The following PPP3R1 variants were observed in gnomAD, a reference collection of about 807,000 sequenced individuals.
PPP3R1 encodes the protein calcineurin subunit B type 1.
PPP3R1 carries 5 observed loss-of-function variants against 22.6 expected under a neutral mutation model. The ratio of observed to expected loss-of-function variants is 0.22; its 90% CI spans 0.12 to 0.46. The LOEUF (loss-of-function observed/expected upper bound fraction) is 0.46, where lower values mean the gene tolerates loss of function less well. Among genes scored for constraint, PPP3R1 ranks in the 20% least tolerant of loss-of-function variants. The pLI, the probability that PPP3R1 is intolerant of heterozygous loss-of-function variation, is 0.99. For synonymous variants in PPP3R1, 56 were observed against 65.2 expected (o/e 0.86, Z 0.68); for missense variants, 61 against 203.2 (o/e 0.30, Z 4.25).
Position 68,211,265 on chromosome 2 carries a change from G to A in PPP3R1, c.43+5827C>T, listed in dbSNP as rs187575040. 4.4e-4 allele frequency among the ~76,000 whole-genome samples: 65 copies of A among 149,302 alleles called. 1 individual carries two copies. In the East Asian group the frequency reaches 7.5e-3, roughly 17 times the overall value. ...ACTAAAAATACAAAAAAATTAGCCC[G>A]GCGTGGTGGCGGGCGCCTGTAGTCC... On this transcript the variant is annotated intron_variant, in intron 2 of 5. Coordinates refer to ENST00000234310, the MANE Select transcript of PPP3R1 (RefSeq NM_000945.4).
chr2:68,192,148 C>T (rs955139618), intron 2 of PPP3R1, among the ~76,000 whole-genome samples: 14 of 152,162 alleles, frequency 9.2e-5, no homozygotes, highest in African/African-American at 3.4e-4. Context: ...CCATTCAGAA[C>T]AGTGTCTCAA....
chr2:68,245,900 AT>A (rs1670227660), intron 1 of PPP3R1, among the ~76,000 whole-genome samples: 1 of 151,984 alleles, frequency 6.6e-6, no homozygotes, highest in Admixed American at 6.6e-5. Flanking sequence ...CTTCTCTTTC[AT>A]GTTAAAAGGA....
intron 2 of PPP3R1, among the ~76,000 whole-genome samples, chr2:68,204,520 T>C (rs889269413): frequency 5.3e-5 from 8 of 152,206 alleles, no homozygotes; most frequent in Non-Finnish European, 1.5e-5. Context: ...GATCAAATCA[T>C]GGCTTTGTTA....
chr2:68,197,311 C>A (rs1176665586), intron 2 of PPP3R1, among the ~76,000 whole-genome samples: 2 of 152,112 alleles, frequency 1.3e-5, no homozygotes, highest in Non-Finnish European at 2.9e-5. Context: ...CGTCTATCTT[C>A]TTTTACTCAC....
chr2:68,184,872 G>C (rs1674501912), intron 5 of PPP3R1, among the ~76,000 whole-genome samples: 1 of 152,188 alleles, frequency 6.6e-6, no homozygotes, highest in Non-Finnish European at 1.5e-5. Flanking sequence ...ACGATCGCTT[G>C]AAGCTAGGAG....
chr2:68,187,387 T>A, intron 3 of PPP3R1, 73 bp from the exon 4 acceptor site: 3 of 1,262,254 alleles, frequency 2.4e-6, no homozygotes, highest in Non-Finnish European at 3.4e-6. Flanking sequence ...TTACCTTACA[T>A]ACCCACAAAA....
chr2:68,205,706 T>G (rs1335525600), intron 2 of PPP3R1, among the ~76,000 whole-genome samples: 1 of 152,188 alleles, frequency 6.6e-6, no homozygotes, highest in East Asian at 1.9e-4. Context: ...GACAATGTGT[T>G]GATAAAATGA....
chr2:68,196,890 G>A (rs1371580680), intron 2 of PPP3R1, among the ~76,000 whole-genome samples: 2 of 152,016 alleles, frequency 1.3e-5, no homozygotes, highest in Non-Finnish European at 2.9e-5. Context: ...ACGCCCTGCT[G>A]ATTTTTGTAT....
chr2:68,216,521 C>T (rs2103770264), intron 2 of PPP3R1, among the ~76,000 whole-genome samples: 1 of 152,130 alleles, frequency 6.6e-6, no homozygotes, highest in African/African-American at 2.4e-5. Flanking sequence ...CCTTGTCCAT[C>T]TCTTCTTCCA....
chr2:68,193,239 G>C lies in PPP3R1; in HGVS notation c.44-4549C>G, dbSNP rs372065654. On this transcript the variant is annotated intron_variant, in intron 2 of 5. Coordinates refer to ENST00000234310, the MANE Select transcript of PPP3R1 (RefSeq NM_000945.4). The stretch of plus-strand genomic sequence containing the variant: ...AAGCCCCTTTAATATGACTAGGAGG[G>C]AACAAGCTCTATCTAATCTTTCCAT... 7.8e-4 allele frequency among the ~76,000 whole-genome samples: 118 copies of C among 152,156 alleles called. No homozygotes were observed. The East Asian group carries it at 9.8e-3, about 13-fold the overall frequency.
chr2:68,187,174 A>T, intron 4 of PPP3R1, 81 bp downstream of exon 4: 1 of 1,154,024 alleles, frequency 8.7e-7, no homozygotes. Context: ...CATCTTTTTC[A>T]TTATTTTAAA....
intron 1 of PPP3R1, among the ~76,000 whole-genome samples, chr2:68,250,589 G>C (rs1392449194): frequency 6.6e-6 from 1 of 152,210 alleles, no homozygotes; most frequent in African/African-American, 2.4e-5. Context: ...CACTTCAAAA[G>C]ACTATGCCAA....
intron 2 of PPP3R1, among the ~76,000 whole-genome samples, chr2:68,190,099 A>G (rs750153084): frequency 2.6e-5 from 4 of 151,026 alleles, no homozygotes; most frequent in Non-Finnish European, 3.0e-5. Context: ...ACTATATACT[A>G]TCAAAGTAAA....
At chr2:68,193,554 A>G (rs1310271381) in intron 2 of PPP3R1, among the ~76,000 whole-genome samples, 1 of 152,204 alleles carries the variant, frequency 6.6e-6, no homozygotes, top group Non-Finnish European at 1.5e-5. Flanking sequence ...GCCAAGATCT[A>G]CGAAAGTCAG....
rs967736317 is a variant in PPP3R1 at position 68,232,269 on chromosome 2, A to G, written c.4-15138T>C. ...TGTGTGTGTGTGTGTGTGTGTGTAT[A>G]TATATATACACACACACAAAAATTA... On this transcript the variant is annotated intron_variant, in intron 1 of 5. Coordinates refer to ENST00000234310, the MANE Select transcript of PPP3R1 (RefSeq NM_000945.4). Among the ~76,000 whole-genome samples the G allele has an allele frequency of 7.8e-3, 339 of 43,306 alleles. 4 individuals are homozygous for G. Among genetic ancestry groups the G allele is most frequent in the African/African-American group, 0.033 (304 of 9,118 alleles). 28.4% of individuals were successfully genotyped at this position (43,306 alleles called of 152,430 possible). A position where few individuals can be genotyped will look rare whatever the true frequency, so the allele number is the denominator to read the frequency against.
chr2:68,219,304 G>A (rs1274760332), intron 1 of PPP3R1, among the ~76,000 whole-genome samples: 2 of 151,442 alleles, frequency 1.3e-5, no homozygotes, highest in African/African-American at 4.9e-5. Context: ...GGAAACCAAA[G>A]CAAAACATGG....
chr2:68,193,980 C>T (rs930594333), intron 2 of PPP3R1, among the ~76,000 whole-genome samples: 1 of 152,110 alleles, frequency 6.6e-6, no homozygotes, highest in Non-Finnish European at 1.5e-5. Context: ...ACCCTCTTGA[C>T]TCATCTTGTG....
At chr2:68,231,516 G>T (rs1335342775) in intron 1 of PPP3R1, among the ~76,000 whole-genome samples, 4 of 152,060 alleles carry the variant, frequency 2.6e-5, no homozygotes, top group Non-Finnish European at 5.9e-5. Context: ...ATGAAAAAAA[G>T]CAGCTAGTTC....
chr2:68,185,602 T>C (rs1467016727), intron 5 of PPP3R1, among the ~76,000 whole-genome samples: 3 of 151,818 alleles, frequency 2.0e-5, no homozygotes, highest in African/African-American at 7.3e-5. Flanking sequence ...ATTTCTCCTT[T>C]CCTTCTTTTG....
Sources: gnomAD v4.1 joint callset for allele counts (sites outside exome capture counted in the v4.1 genomes callset) on GRCh38, gnomAD v4.1.1 for gene constraint, MANE v1.5 for transcripts, NCBI Gene and HGNC (gene_info 2026-07-23, HGNC 2026-07-21) for gene names.